The following SMARCA2 variants were observed in gnomAD, a reference collection of about 807,000 sequenced individuals.
SMARCA2 encodes the protein SWI/SNF related BAF chromatin remodeling complex subunit ATPase 2.
A neutral mutation model predicts 199.8 loss-of-function variants in SMARCA2; 61 were observed. That is an observed-to-expected ratio of 0.31 (90% CI 0.25 to 0.38). SMARCA2 has a LOEUF of 0.38. Ranked by LOEUF, SMARCA2 falls within the 10% of genes least tolerant of loss-of-function variation. The pLI, the probability that SMARCA2 is intolerant of heterozygous loss-of-function variation, is 1.00. For synonymous variants in SMARCA2, 935 were observed against 732.0 expected, an observed-to-expected ratio of 1.28 and a Z score of -4.48; for missense variants, 1,344 against 2,012.2, an observed-to-expected ratio of 0.67 and a Z score of 6.35.
Position 2,086,082 on chromosome 9 carries a change from A to C in SMARCA2, c.2527-747A>C, listed in dbSNP as rs528282213. ...CAGTTTTGGCATAAATACAGGAGTG[A>C]TATTTTTGCAGTGCGCTTTCTGCCA... On this transcript the variant is annotated intron_variant, in intron 17 of 33. Coordinates refer to ENST00000349721, the MANE Select transcript of SMARCA2 (RefSeq NM_003070.5). The surrounding 1 kb of genome is among the most constrained non-coding windows in gnomAD (Gnocchi z 4.3). 1 of 152,384 alleles carries C rather than the reference A, an allele frequency of 6.6e-6. No individual in the cohort carries two copies. Among genetic ancestry groups the C allele is most frequent in the South Asian group, 2.1e-4 (1 of 4,826 alleles). The allele number at this position is 152,384 out of a possible 1,614,324, so 9.4% of individuals were successfully genotyped here. A position where few individuals can be genotyped will look rare whatever the true frequency, so the allele number is the denominator to read the frequency against.
intron 1 of SMARCA2, among the ~76,000 whole-genome samples, chr9:2,020,467 A>G (rs1260403423): frequency 6.6e-6 from 1 of 152,104 alleles, no homozygotes; most frequent in Non-Finnish European, 1.5e-5. Context: ...TGGAGTGATT[A>G]TTTTTTCTAT....
intron 26 of SMARCA2, among the ~76,000 whole-genome samples, chr9:2,120,283 G>C (rs915325834): frequency 6.6e-6 from 1 of 152,200 alleles, no homozygotes; most frequent in Admixed American, 6.5e-5. Context: ...TCCCAAATTT[G>C]AGTGCCATCA....
At chr9:2,098,208 G>A (rs1398431372) in intron 21 of SMARCA2, among the ~76,000 whole-genome samples, 1 of 152,230 alleles carries the variant, frequency 6.6e-6, no homozygotes, top group Non-Finnish European at 1.5e-5. Flanking sequence ...ATTTGCCAGG[G>A]TAGTGCCTAC....
chr9:2,159,951 A>G (rs1586770160), intron 27 of SMARCA2: 1 of 1,580,940 alleles, frequency 6.3e-7, no homozygotes, highest in Non-Finnish European at 8.6e-7. Flanking sequence ...ATTCAGTAGA[A>G]CTACATCCCA....
At chr9:2,120,828 G>GT (rs1367454187) in intron 26 of SMARCA2, among the ~76,000 whole-genome samples, 2 of 152,176 alleles carry the variant, frequency 1.3e-5, no homozygotes, top group African/African-American at 4.8e-5. Context: ...AGGAATGGTA[G>GT]TAAGAAAGAC....
At chr9:2,032,831 T>G (rs1406281612) in intron 2 of SMARCA2, 121 bp from the exon 3 acceptor site, 3 of 794,644 alleles carry the variant, frequency 3.8e-6, no homozygotes, top group Non-Finnish European at 5.9e-6. Flanking sequence ...TTTTTAACTC[T>G]AGAATGGGTA....
chr9:2,066,061 G>C (rs1291605082), intron 9 of SMARCA2, among the ~76,000 whole-genome samples: 2 of 152,146 alleles, frequency 1.3e-5, no homozygotes, highest in Admixed American at 6.5e-5. Context: ...CTATCTTAAT[G>C]CTCAAAGGTC....
chr9:2,124,254 G>A (rs1402066951), intron 27 of SMARCA2, among the ~76,000 whole-genome samples: 1 of 152,188 alleles, frequency 6.6e-6, no homozygotes, highest in African/African-American at 2.4e-5. Context: ...ATGACCAATT[G>A]CCTGGTCATG....
intron 1 of SMARCA2, among the ~76,000 whole-genome samples, chr9:2,026,741 C>T (rs561072966): frequency 6.6e-6 from 1 of 152,160 alleles, no homozygotes; most frequent in Admixed American, 6.5e-5. Flanking sequence ...TATTAGTGTG[C>T]TCATATACAT....
intron 32 of SMARCA2, among the ~76,000 whole-genome samples, chr9:2,188,453 G>C (rs771188580): frequency 2.6e-5 from 4 of 151,964 alleles, no homozygotes; most frequent in Non-Finnish European, 4.4e-5. Context: ...CCTTTTATTT[G>C]TTATGAATTT....
intron 28 of SMARCA2, among the ~76,000 whole-genome samples, chr9:2,167,615 C>A (rs567657372): frequency 1.3e-5 from 2 of 152,360 alleles, no homozygotes; most frequent in Non-Finnish European, 2.9e-5. Flanking sequence ...TCTCTGCTGT[C>A]TTCCCCTAGC....
chr9:2,028,934 G>C, intron 1 of SMARCA2, 53 bp from the exon 2 acceptor site: 7 of 1,389,206 alleles, frequency 5.0e-6, no homozygotes, highest in South Asian at 3.9e-5. Context: ...TTTTATTCTG[G>C]TCTTAACATC....
In SMARCA2 at chr9:2,076,212, C is replaced by G; in HGVS notation, c.1936-17C>G. 3 of 1,380,082 alleles carry G rather than the reference C, an allele frequency of 2.2e-6. No homozygotes were observed. The South Asian group carries it at 3.5e-5, about 16-fold the overall frequency. 85.5% of individuals were successfully genotyped at this position (1,380,082 alleles called of 1,614,324 possible). ...TGTTAAAATATAATTTCCTCCCTATCTTTGTTCCTTTTCCAGGATGAGGAA... is the reference window on the plus strand; with the variant it reads ...TGTTAAAATATAATTTCCTCCCTATGTTTGTTCCTTTTCCAGGATGAGGAA... On this transcript the variant is annotated splice_polypyrimidine_tract_variant and intron_variant, in intron 12 of 33. Transcript: ENST00000349721.
chr9:2,035,501 A>G (rs556673318), intron 3 of SMARCA2, among the ~76,000 whole-genome samples: 1 of 152,350 alleles, frequency 6.6e-6, no homozygotes, highest in South Asian at 2.1e-4. Context: ...TGCACAAATC[A>G]TAATTGAGAG....
rs181056558 is a variant in SMARCA2 at position 2,161,198 on chromosome 9, A to G, written c.3982-488A>G. Among the ~76,000 whole-genome samples, 3 of 152,348 alleles carry G rather than the reference A, an allele frequency of 2.0e-5. No individual in the cohort carries two copies. In the East Asian group the frequency reaches 5.8e-4, roughly 29 times the overall value. On this transcript the variant is annotated intron_variant, in intron 27 of 33. Coordinates refer to ENST00000349721, the MANE Select transcript of SMARCA2 (RefSeq NM_003070.5). This position sits in a 1 kb window ranked among gnomAD's most constrained non-coding sequence, Gnocchi z 4.7. ...GATGGAATTTTGATTTATATTGTTA[A>G]TCATGAATAAATTGATGCAAAACCT...
intron 10 of SMARCA2, among the ~76,000 whole-genome samples, chr9:2,072,804 C>T (rs1821148698): frequency 6.6e-6 from 1 of 152,226 alleles, no homozygotes; most frequent in Non-Finnish European, 1.5e-5. Flanking sequence ...ATATTATGCT[C>T]TACAACTGGT....
chr9:2,078,801 T>C (rs1586681424), intron 14 of SMARCA2, among the ~76,000 whole-genome samples: 1 of 151,790 alleles, frequency 6.6e-6, no homozygotes, highest in African/African-American at 2.4e-5. Flanking sequence ...AAAAATTAGC[T>C]GGGTGTGGTG....
chr9:2,187,826 C>A (rs968995668), intron 32 of SMARCA2, among the ~76,000 whole-genome samples: 5 of 152,080 alleles, frequency 3.3e-5, no homozygotes, highest in African/African-American at 1.2e-4. Flanking sequence ...TGCCTGTAAT[C>A]CTAGCACTTT....
intron 28 of SMARCA2, among the ~76,000 whole-genome samples, chr9:2,168,760 T>A (rs981574853): frequency 1.1e-4 from 16 of 152,242 alleles, no homozygotes; most frequent in African/African-American, 3.4e-4. Context: ...TAAAAATTTG[T>A]ATTTTTTTTT....
Sources: allele counts gnomAD v4.1 joint callset (sites outside exome capture counted in the v4.1 genomes callset), GRCh38; gene constraint gnomAD v4.1.1; non-coding constraint Gnocchi (gnomAD v3.1); transcripts MANE v1.5; gene names NCBI Gene and HGNC (gene_info 2026-07-23, HGNC 2026-07-21).